ELMO1: variants seen among roughly 807,000 people sequenced by gnomAD.
The protein encoded by ELMO1 is engulfment and cell motility 1.
In ELMO1, 26 loss-of-function variants were observed where a neutral mutation model predicts 98.9. The ratio of observed to expected loss-of-function variants is 0.26; its 90% CI spans 0.19 to 0.36. The LOEUF (loss-of-function observed/expected upper bound fraction) is 0.36, where lower values mean the gene tolerates loss of function less well. ELMO1 is among the 10% of genes least tolerant of loss of function. The probability of loss-of-function intolerance (pLI) is 1.00; values close to 1 mark genes in which losing one functional copy is unlikely to be tolerated. For missense variants in ELMO1, 627 were observed against 935.2 expected (o/e 0.67, Z 4.30); for synonymous variants, 346 against 346.0 (o/e 1.00, Z 0.00).
At chr7:37,051,144 A>G (rs528781263) in intron 15 of ELMO1, among the ~76,000 whole-genome samples, 1 of 152,358 alleles carries the variant, frequency 6.6e-6, no homozygotes, top group South Asian at 2.1e-4. Flanking sequence ...AGATATAAGT[A>G]GCATCAAAAC....
At chr7:37,162,959 T>A (rs1306675120) in intron 13 of ELMO1, among the ~76,000 whole-genome samples, 1 of 152,198 alleles carries the variant, frequency 6.6e-6, no homozygotes, top group East Asian at 1.9e-4. Context: ...GAATAAATAA[T>A]CCTTGTTCAG....
At chr7:37,287,214 G>A (rs973638121) in intron 4 of ELMO1, among the ~76,000 whole-genome samples, 1 of 150,882 alleles carries the variant, frequency 6.6e-6, no homozygotes, top group East Asian at 1.9e-4. Context: ...AAAAAAAATT[G>A]TATCATAGTA....
At chr7:37,038,914 G>A (rs1795340395) in intron 15 of ELMO1, among the ~76,000 whole-genome samples, 1 of 152,134 alleles carries the variant, frequency 6.6e-6, no homozygotes, top group African/African-American at 2.4e-5. Flanking sequence ...ATCCCATTAT[G>A]AGGGCCCCAC....
intron 16 of ELMO1, among the ~76,000 whole-genome samples, chr7:36,959,699 C>T (rs112841758): frequency 6.1e-4 from 93 of 152,266 alleles, no homozygotes; most frequent in African/African-American, 2.0e-3. Context: ...TTTTTTGAGA[C>T]GGAGTCTCAC....
chr7:37,318,472 G>C (rs1011061387), intron 2 of ELMO1, among the ~76,000 whole-genome samples: 5 of 152,210 alleles, frequency 3.3e-5, no homozygotes, highest in Non-Finnish European at 5.9e-5. Context: ...TTTAGACTTA[G>C]AGACTGAAGT....
intron 16 of ELMO1, among the ~76,000 whole-genome samples, chr7:36,950,132 A>G (rs79679631): frequency 1.4e-5 from 1 of 74,000 alleles, no homozygotes; most frequent in Non-Finnish European, 2.9e-5. Flanking sequence ...ACAGACACAG[A>G]AAACAAGAAA....
chr7:37,366,972 T>G (rs1428882830), intron 1 of ELMO1, among the ~76,000 whole-genome samples: 1 of 151,234 alleles, frequency 6.6e-6, no homozygotes, highest in Non-Finnish European at 1.5e-5. Flanking sequence ...CTTACATAGT[T>G]TCATCACATC....
chr7:37,371,480 C>G (rs1288502106), intron 1 of ELMO1, among the ~76,000 whole-genome samples: 4 of 152,106 alleles, frequency 2.6e-5, no homozygotes, highest in Non-Finnish European at 5.9e-5. Flanking sequence ...TTAGTTTTAG[C>G]TTTCATTTAC....
chr7:37,281,000 A>AAT (rs1196462297), intron 4 of ELMO1, among the ~76,000 whole-genome samples: 3 of 125,330 alleles, frequency 2.4e-5, no homozygotes, highest in Non-Finnish European at 5.2e-5. Flanking sequence ...TATATATAAA[A>AAT]ATATATATAT....
At chr7:36,965,716 C>A (rs1789365516) in intron 16 of ELMO1, among the ~76,000 whole-genome samples, 1 of 152,090 alleles carries the variant, frequency 6.6e-6, no homozygotes, top group South Asian at 2.1e-4. Context: ...TTACATGTTG[C>A]AGTCCATAAA....
chr7:37,065,184 C>CT (rs1170568616), intron 15 of ELMO1, among the ~76,000 whole-genome samples: 2 of 151,224 alleles, frequency 1.3e-5, no homozygotes, highest in African/African-American at 4.9e-5. Flanking sequence ...GCTACCCCCA[C>CT]CCTTTTTTTT....
At chr7:37,440,619 A>C (rs1316202931) in intron 1 of ELMO1, among the ~76,000 whole-genome samples, 2 of 151,868 alleles carry the variant, frequency 1.3e-5, no homozygotes, top group Non-Finnish European at 2.9e-5. Context: ...AAATACAAAA[A>C]TTAGCCAGGC....
chr7:37,027,875 A>G (rs1442108893), intron 15 of ELMO1, among the ~76,000 whole-genome samples: 1 of 152,196 alleles, frequency 6.6e-6, no homozygotes, highest in African/African-American at 2.4e-5. Flanking sequence ...AGGATAAGGC[A>G]TTAAATATCA....
intron 16 of ELMO1, among the ~76,000 whole-genome samples, chr7:37,000,048 C>T (rs1216181537): frequency 1.3e-5 from 2 of 152,166 alleles, no homozygotes; most frequent in Non-Finnish European, 2.9e-5. Flanking sequence ...TCAGCTGAGG[C>T]TTGGAAGCAA....
chr7:37,023,403 C>T (rs1240512775), intron 15 of ELMO1, among the ~76,000 whole-genome samples: 1 of 152,042 alleles, frequency 6.6e-6, no homozygotes, highest in African/African-American at 2.4e-5. Flanking sequence ...GTGTGTATAT[C>T]CTGCCCATCA....
Position 37,342,483 on chromosome 7 carries a change from C to A in ELMO1, c.78+130G>T. 1.1e-6 allele frequency: 1 copy of A among 927,340 alleles called. No homozygotes were observed. Among genetic ancestry groups the A allele is most frequent in the Non-Finnish European group, 1.8e-6 (1 of 571,096 alleles). The allele number at this position is 927,340 out of a possible 1,614,324, so 57.4% of individuals were successfully genotyped here. A position where few individuals can be genotyped will look rare whatever the true frequency, so the allele number is the denominator to read the frequency against. The stretch of plus-strand genomic sequence containing the variant: ...GCTACAGAAATCAAGCACATTGCAA[C>A]TATTATTGCACAGATTTTTCAACAC... On this transcript the variant is annotated intron_variant, in intron 2 of 21. Coordinates refer to ENST00000310758, the MANE Select transcript of ELMO1 (RefSeq NM_014800.11). The surrounding 1 kb of genome is among the most constrained non-coding windows in gnomAD (Gnocchi z 4.3).
Position 37,281,596 on chromosome 7 carries a change from A to G in ELMO1, c.193-9714T>C, listed in dbSNP as rs552149356. On this transcript the variant is annotated intron_variant, in intron 4 of 21. Transcript: ENST00000310758. ...ACCATGGGTGAGTGTTAGAATGCAG[A>G]TTTCTGGGGATTTCCCTCCATAGCT... Among the ~76,000 whole-genome samples, 371 of 152,242 alleles carry G rather than the reference A, an allele frequency of 2.4e-3. 1 individual carries two copies. The highest frequency in any genetic ancestry group is 3.7e-3 in the Non-Finnish European group (249 of 68,010).
intron 1 of ELMO1, among the ~76,000 whole-genome samples, chr7:37,413,013 T>G (rs948102599): frequency 1.3e-5 from 2 of 152,210 alleles, no homozygotes; most frequent in African/African-American, 4.8e-5. Flanking sequence ...CCTGGGTTCC[T>G]CAACCACTAA....
chr7:36,864,904 C>A (rs1290091663), intron 20 of ELMO1, among the ~76,000 whole-genome samples: 1 of 152,158 alleles, frequency 6.6e-6, no homozygotes. Context: ...GTGGAGGAAG[C>A]CTGAGTCCTA....
Sources: gnomAD v4.1 joint callset for allele counts (sites outside exome capture counted in the v4.1 genomes callset) on GRCh38, gnomAD v4.1.1 for gene constraint, Gnocchi (gnomAD v3.1) non-coding constraint, MANE v1.5 for transcripts, NCBI Gene and HGNC (gene_info 2026-07-23, HGNC 2026-07-21) for gene names.